The following SGCD variants were observed in gnomAD, a reference collection of about 807,000 sequenced individuals.
SGCD encodes the protein delta-sarcoglycan.
A neutral mutation model predicts 36.6 loss-of-function variants in SGCD; 18 were observed. That is an observed-to-expected ratio of 0.49 (90% confidence interval 0.34 to 0.73). The LOEUF (loss-of-function observed/expected upper bound fraction) is 0.73. Ranked by LOEUF, SGCD falls within the 30% of genes least tolerant of loss-of-function variation. The pLI is 0.01. For synonymous variants in SGCD, 133 were observed against 130.6 expected (o/e 1.02, Z -0.12); for missense variants, 387 against 346.7 (o/e 1.12, Z -0.92).
At chr5:156,684,198 A>T (rs1753822943) in intron 7 of SGCD, among the ~76,000 whole-genome samples, 1 of 152,136 alleles carries the variant, frequency 6.6e-6, no homozygotes, top group African/African-American at 2.4e-5. Context: ...GGTCTACACT[A>T]GAGTTGATGT....
intron 3 of SGCD, among the ~76,000 whole-genome samples, chr5:156,143,559 A>G (rs1762626298): frequency 6.6e-6 from 1 of 152,140 alleles, no homozygotes; most frequent in African/African-American, 2.4e-5. Context: ...TGATCCCTGC[A>G]AATCTACAGG....
At chr5:156,676,126 C>T (rs32081) in intron 7 of SGCD, among the ~76,000 whole-genome samples, 149,967 of 152,370 alleles carry the variant, frequency 0.98, 73,811 homozygotes, top group East Asian at 1. Context: ...TCCATTTATT[C>T]TTCAATACGT....
intron 2 of SGCD, among the ~76,000 whole-genome samples, chr5:156,331,499 C>G (rs145559623): frequency 6.6e-6 from 1 of 152,188 alleles, no homozygotes; most frequent in Admixed American, 6.5e-5. Flanking sequence ...TTCTTTTTCA[C>G]TGATAAAGCA....
At chr5:156,358,339 A>G (rs1769592896) in intron 3 of SGCD, among the ~76,000 whole-genome samples, 1 of 152,224 alleles carries the variant, frequency 6.6e-6, no homozygotes, top group Non-Finnish European at 1.5e-5. Flanking sequence ...GGGAGGAGAC[A>G]GCAGAAATAA....
At chr5:156,635,492 C>G (rs1342136889) in intron 6 of SGCD, among the ~76,000 whole-genome samples, 1 of 152,094 alleles carries the variant, frequency 6.6e-6, no homozygotes, top group African/African-American at 2.4e-5. Flanking sequence ...CCTCAGGGAT[C>G]TAGAACTAGA....
intron 3 of SGCD, among the ~76,000 whole-genome samples, chr5:156,281,713 G>A (rs906245379): frequency 1.3e-5 from 2 of 152,180 alleles, no homozygotes; most frequent in African/African-American, 2.4e-5. Flanking sequence ...AAAGTAGGAT[G>A]ATATGGAGTG....
At chr5:156,031,140 C>T (rs1272216416) in intron 1 of SGCD, among the ~76,000 whole-genome samples, 2 of 152,174 alleles carry the variant, frequency 1.3e-5, no homozygotes, top group African/African-American at 4.8e-5. Flanking sequence ...AGCTGACATG[C>T]ACATCAGGAT....
At chr5:155,867,218 C>G (rs997208368), upstream of SGCD, among the ~76,000 whole-genome samples, 2 of 151,882 alleles carry the variant, frequency 1.3e-5, no homozygotes, top group South Asian at 4.2e-4. Context: ...GAACAGGGCC[C>G]GAGAAAATCT....
At chr5:155,808,053 A>G in the SGCD span, among the ~76,000 whole-genome samples, 6 of 152,184 alleles carry the variant, frequency 3.9e-5, no homozygotes, top group African/African-American at 7.2e-5. Context: ...GATGAAATGA[A>G]TCTGCCTTTG....
chr5:156,160,470 C>T (rs1442828134), intron 3 of SGCD, among the ~76,000 whole-genome samples: 1 of 151,522 alleles, frequency 6.6e-6, no homozygotes, highest in African/African-American at 2.4e-5. Context: ...TCTCAAGATG[C>T]GTCCAGAATC....
At chr5:155,728,559 T>C in the SGCD span, among the ~76,000 whole-genome samples, 7 of 152,208 alleles carry the variant, frequency 4.6e-5, no homozygotes, top group East Asian at 7.8e-4. Context: ...CAGCCGCTAC[T>C]GGGGGCTCTA....
chr5:155,992,237 C>A (rs1011607272), intron 1 of SGCD, among the ~76,000 whole-genome samples: 1 of 152,152 alleles, frequency 6.6e-6, no homozygotes, highest in Non-Finnish European at 1.5e-5. Context: ...TCCTTTCTTA[C>A]TGTTCTGTGC....
chr5:156,219,138 A>G (rs770052909), intron 3 of SGCD, among the ~76,000 whole-genome samples: 22 of 152,208 alleles, frequency 1.4e-4, no homozygotes, highest in Non-Finnish European at 2.4e-4. Flanking sequence ...CTGTCAGTCA[A>G]ATGACCTAGC....
At chr5:156,118,507 A>C (rs1485439672) in intron 2 of SGCD, among the ~76,000 whole-genome samples, 1 of 152,148 alleles carries the variant, frequency 6.6e-6, no homozygotes. Context: ...TTCTGTGTAC[A>C]TTCAATTCTA....
At chr5:155,732,747 C>T in the SGCD span, among the ~76,000 whole-genome samples, 1 of 152,148 alleles carries the variant, frequency 6.6e-6, no homozygotes, top group Non-Finnish European at 1.5e-5. Flanking sequence ...ATTTTTAGCC[C>T]ATGCCCCAAG....
chr5:156,349,795 T>C (rs966429820), intron 3 of SGCD, among the ~76,000 whole-genome samples: 3 of 152,112 alleles, frequency 2.0e-5, no homozygotes, highest in Admixed American at 2.0e-4. Context: ...TGCATATGTA[T>C]ATTTTTTTTG....
Position 156,594,990 on chromosome 5 carries a change from A to G in SGCD, c.441A>G (p.Lys147=). 1 of 1,612,720 alleles carries G rather than the reference A, an allele frequency of 6.2e-7. No homozygotes were observed. The highest frequency in any genetic ancestry group is 8.5e-7 in the Non-Finnish European group (1 of 1,179,132). The change falls in exon 6 of 9, where the codon AAA becomes AAG. Residue 147 remains lysine (K), a synonymous_variant. Transcript: ENST00000337851. ...KKFEVKTVSG[K]LLFSADNNEV... is the part of the protein sequence containing the mutation. ...TTGAGGTAAAAACTGTTTCTGGAAA[A>G]TTGCTCTTCTCTGCAGACAATAATG...
At position 156,143,216 on chromosome 5, in the gene SGCD, TG is replaced by T. The variant is rs563576042; in HGVS notation, c.-44+19198del. ...GTAAGCCTTGGTGGTTTCCACATGT[TG>T]TTAAGCCTGTGAGTGCACTGAATGC... On this transcript the variant is annotated intron_variant, in intron 3 of 9. Transcript: ENST00000517913. 1.5e-3 allele frequency among the ~76,000 whole-genome samples: 227 copies of T among 152,328 alleles called. 1 individual carries two copies. The highest frequency in any genetic ancestry group is 0.013 in the Admixed American group (206 of 15,306).
At chr5:156,478,425 C>T (rs995451832) in intron 3 of SGCD, among the ~76,000 whole-genome samples, 1 of 152,136 alleles carries the variant, frequency 6.6e-6, no homozygotes, top group Non-Finnish European at 1.5e-5. Flanking sequence ...TTTGTGAGAC[C>T]TCTTGCGATT....
Sources: allele counts gnomAD v4.1 joint callset (sites outside exome capture counted in the v4.1 genomes callset), GRCh38; gene constraint gnomAD v4.1.1; transcripts MANE v1.5; gene names NCBI Gene and HGNC (gene_info 2026-07-23, HGNC 2026-07-21).